COL6A3: variants seen among roughly 807,000 people sequenced by gnomAD.
COL6A3 encodes the protein collagen type VI alpha 3 chain, also known as collagen alpha-3(VI) chain.
A neutral mutation model predicts 274.1 loss-of-function variants in COL6A3; 137 were observed. That is an observed-to-expected ratio of 0.50 (90% CI 0.44 to 0.58). COL6A3 has a LOEUF of 0.58. COL6A3 is among the 20% of genes least tolerant of loss of function. The probability of loss-of-function intolerance (pLI) is 0.00; values close to 1 mark genes in which losing one functional copy is unlikely to be tolerated. For missense variants in COL6A3, 3,950 were observed against 4,124.9 expected (o/e 0.96, Z 1.16); for synonymous variants, 1,650 against 1,650.6 (o/e 1.00, Z 0.01).
At chr2:237,351,048 C>G in intron 27 of COL6A3, 82 bp downstream of exon 27, 1 of 1,355,106 alleles carries the variant, frequency 7.4e-7, no homozygotes, top group East Asian at 2.3e-5. Flanking sequence ...GAGGGACAGA[C>G]AGACTGACCA....
chr2:237,372,077 T>C lies in COL6A3; in HGVS notation c.3940A>G (p.Asn1314Asp), dbSNP rs747785149. ...TTCCTGGACACGTACTCCAGGGCAT[T>C]GCCCACGTTGATCTGCCGCCCTCCC... ...PKGGRQINVG[N>D]ALEYVSRNIF... Residue 1314 changes from asparagine to aspartate, a missense_variant, in exon 9 of 44, where the codon AAT becomes GAT. Asn to Asp is a conservative substitution (Grantham distance 23, BLOSUM62 1). Around this residue, in one of 5 missense-constraint regions of COL6A3, gnomAD observed 1,934 missense variants for 1,984.3 expected, o/e 0.97. Coordinates refer to ENST00000295550, the MANE Select transcript of COL6A3 (RefSeq NM_004369.4). 1.2e-6 allele frequency: 2 copies of C among 1,614,100 alleles called. No individual in the cohort carries two copies. Among genetic ancestry groups the C allele is most frequent in the Admixed American group, 3.3e-5 (2 of 60,026 alleles).
intron 32 of COL6A3, 67 bp from the exon 33 acceptor site, chr2:237,345,280 C>A: frequency 6.6e-7 from 1 of 1,521,644 alleles, no homozygotes; most frequent in South Asian, 1.1e-5. Context: ...CAGGCTTTGG[C>A]CCCCAGAAAT....
At chr2:237,399,662 C>T (rs991861722) in intron 1 of COL6A3, among the ~76,000 whole-genome samples, 1 of 152,204 alleles carries the variant, frequency 6.6e-6, no homozygotes, top group Admixed American at 6.5e-5. Context: ...ACCTGCTGTA[C>T]TTGATTTAAC....
intron 10 of COL6A3, among the ~76,000 whole-genome samples, chr2:237,367,545 G>A (rs1169272932): frequency 6.6e-6 from 1 of 152,202 alleles, no homozygotes; most frequent in African/African-American, 2.4e-5. Flanking sequence ...CACACTCTGT[G>A]AAAACTCAGT....
chr2:237,349,026 G>A (rs534974973), intron 28 of COL6A3, among the ~76,000 whole-genome samples: 9 of 152,122 alleles, frequency 5.9e-5, no homozygotes, highest in East Asian at 1.9e-4. Context: ...CTATGCATCC[G>A]TAAGTCTTTG....
intron 23 of COL6A3, among the ~76,000 whole-genome samples, chr2:237,356,264 TCTTCTTTTTCATTATATAG>T (rs2077314573): frequency 6.6e-6 from 1 of 152,184 alleles, no homozygotes; most frequent in Admixed American, 6.5e-5. Flanking sequence ...GATGAGTATT[TCTTCTTTTTCATTATATAG>T]CTTCTTTTTC....
chr2:237,395,288 G>A (rs2078409166), intron 2 of COL6A3, 84 bp from the exon 3 acceptor site: 4 of 1,434,312 alleles, frequency 2.8e-6, no homozygotes, highest in Admixed American at 1.9e-5. Context: ...AAACAAATTT[G>A]GTTTACACTA....
rs763974888 is a variant in COL6A3, at chr2:237,340,766, C to T, written c.8150G>A (p.Ser2717Asn). ...TQLQGTRALG[S>N]AIEYTIENVF... ...ATTCTCTATGGTGTATTCAATGGCA[C>T]TGCCTAAGGCCCTGGTTCCCTGCAA... is the stretch of plus-strand genomic sequence containing the variant. Residue 2717 changes from serine (S) to asparagine (N), a missense_variant, in exon 38 of 44, where the codon AGT becomes AAT. This residue lies in a region of COL6A3 where 1,284 missense variants were observed against 1,349.7 expected (regional missense o/e 0.95). Transcript: ENST00000295550. 6.2e-7 allele frequency: 1 copy of T among 1,614,194 alleles called. No individual in the cohort carries two copies. The highest frequency in any genetic ancestry group is 8.5e-7 in the Non-Finnish European group (1 of 1,180,054).
Position 237,374,620 on chromosome 2 carries a change from C to A in COL6A3, c.3471G>T (p.Arg1157Ser). ...CAATGCCAATGGGCACAGCCCCACCCCTCTTCACGACCACGGAGGGGTTCC... is the reference window on the plus strand; with the variant it reads ...CAATGCCAATGGGCACAGCCCCACCACTCTTCACGACCACGGAGGGGTTCC... The part of the protein sequence containing the change: ...DVRNPSVVVK[R>S]GGAVPIGIGI... Residue 1157 changes from arginine to serine, a missense_variant, in exon 8 of 44, where the codon AGG becomes AGT. Physicochemically the swap from Arg to Ser is moderately radical, Grantham distance 110. Coordinates refer to ENST00000295550, the MANE Select transcript of COL6A3 (RefSeq NM_004369.4). The surrounding 1 kb of genome is among the most constrained non-coding windows in gnomAD (Gnocchi z 4.8). 1 of 1,614,178 alleles carries A rather than the reference C, an allele frequency of 6.2e-7. No homozygotes were observed.
At chr2:237,360,240 G>C in intron 16 of COL6A3, 81 bp from the exon 17 acceptor site, 1 of 1,367,840 alleles carries the variant, frequency 7.3e-7, no homozygotes, top group Non-Finnish European at 1.0e-6. Flanking sequence ...AGCGTAAAGG[G>C]TACTGTGAAC....
At chr2:237,362,548 C>G (rs1387284618) in intron 14 of COL6A3, among the ~76,000 whole-genome samples, 1 of 152,248 alleles carries the variant, frequency 6.6e-6, no homozygotes, top group Non-Finnish European at 1.5e-5. Flanking sequence ...TGTGAGCTAA[C>G]TCAACCTACT....
At chr2:237,335,000 A>G in intron 40 of COL6A3, 111 bp from the exon 41 acceptor site, 1 of 1,324,394 alleles carries the variant, frequency 7.6e-7, no homozygotes, top group South Asian at 1.2e-5. Context: ...ATTGACTTGA[A>G]ATTTAGCTGA....
At chr2:237,402,799 C>T (rs1257315275) in intron 1 of COL6A3, among the ~76,000 whole-genome samples, 3 of 152,140 alleles carry the variant, frequency 2.0e-5, no homozygotes, top group Non-Finnish European at 4.4e-5. Context: ...ATCGGCTCCA[C>T]CCAAGGCCTG....
At chr2:237,354,846 C>T in intron 24 of COL6A3, 53 bp downstream of exon 24, 16 of 1,503,898 alleles carry the variant, frequency 1.1e-5, no homozygotes, top group South Asian at 2.4e-5. Flanking sequence ...CTGGGCTGGG[C>T]GGCATCTGGG....
chr2:237,374,645 C>G lies in COL6A3; in HGVS notation c.3446G>C (p.Arg1149Pro). The G allele has an allele frequency of 6.2e-7, 1 of 1,614,144 alleles. No individual in the cohort carries two copies. Among genetic ancestry groups the G allele is most frequent in the Non-Finnish European group, 8.5e-7 (1 of 1,180,036 alleles). The change falls in exon 8 of 44, where the codon CGG becomes CCG. Residue 1149 changes from arginine to proline, a missense_variant. This residue lies in a region of COL6A3 where 1,934 missense variants were observed against 1,984.3 expected (regional missense o/e 0.97). Coordinates refer to ENST00000295550, the MANE Select transcript of COL6A3 (RefSeq NM_004369.4). This position sits in a 1 kb window ranked among gnomAD's most constrained non-coding sequence, Gnocchi z 4.8. ...LTADRSGDDV[R>P]NPSVVVKRGG... ...CCTCTTCACGACCACGGAGGGGTTC[C>G]GCACATCATCCCCAGACCTGTCGGC...
intron 10 of COL6A3, among the ~76,000 whole-genome samples, chr2:237,367,741 T>C (rs1045475681): frequency 1.3e-5 from 2 of 152,214 alleles, no homozygotes; most frequent in South Asian, 4.1e-4. Context: ...AAGGAAGGAC[T>C]AGGAGAAACA....
At chr2:237,348,553 A>C in intron 29 of COL6A3, 60 bp downstream of exon 29, 1 of 1,524,944 alleles carries the variant, frequency 6.6e-7, no homozygotes, top group Non-Finnish European at 9.1e-7. Flanking sequence ...ACACATCAGA[A>C]GTTGTCCTTG....
At chr2:237,404,627 T>G (rs1223901751) in intron 1 of COL6A3, among the ~76,000 whole-genome samples, 2 of 152,162 alleles carry the variant, frequency 1.3e-5, no homozygotes, top group African/African-American at 2.4e-5. Context: ...GCAGGGAGCA[T>G]TGACAAAGAG....
chr2:237,377,498 C>T (rs2077880792), intron 6 of COL6A3, among the ~76,000 whole-genome samples, 154 bp from the exon 7 acceptor site: 1 of 152,206 alleles, frequency 6.6e-6, no homozygotes. Context: ...ATTCATACCA[C>T]TTGTCTTGAA....
Sources: allele counts gnomAD v4.1 joint callset (sites outside exome capture counted in the v4.1 genomes callset), GRCh38; gene constraint gnomAD v4.1.1; regional missense constraint gnomAD v4.1.1; non-coding constraint Gnocchi (gnomAD v3.1); transcripts MANE v1.5; gene names NCBI Gene and HGNC (gene_info 2026-07-23, HGNC 2026-07-21).